Variants in HSPG2 observed in about 807,000 individuals in gnomAD.
HSPG2 encodes the protein basement membrane-specific heparan sulfate proteoglycan core protein.
HSPG2 carries 278 observed loss-of-function variants against 526.6 expected under a neutral mutation model. The observed-to-expected ratio is 0.53, with a 90% CI of 0.48 to 0.58. The LOEUF (loss-of-function observed/expected upper bound fraction) is 0.58, where lower values mean the gene tolerates loss of function less well. Ranked by LOEUF, HSPG2 falls within the 20% of genes least tolerant of loss-of-function variation. The pLI is 0.00. For synonymous variants in HSPG2, 2,465 were observed against 2,555.4 expected (o/e 0.96, Z 1.07); for missense variants, 5,354 against 6,099.5 (o/e 0.88, Z 4.07).
At chr1:21,933,858 G>A (rs1159668116) in intron 1 of HSPG2, among the ~76,000 whole-genome samples, 1 of 152,260 alleles carries the variant, frequency 6.6e-6, no homozygotes, top group Non-Finnish European at 1.5e-5. Context: ...AGCTGGCTGC[G>A]TGGAGGAGGG....
chr1:21,838,135 C>CAAAAAAAAAAA (rs35291473), intron 74 of HSPG2, among the ~76,000 whole-genome samples: 3 of 75,262 alleles, frequency 4.0e-5, no homozygotes, highest in Non-Finnish European at 7.1e-5. Flanking sequence ...GATTCTGTCT[C>CAAAAAAAAAAA]AAAAAAAAAA....
chr1:21,875,609 C>G lies in HSPG2; in HGVS notation c.3302+20G>C. 6.3e-7 allele frequency: 1 copy of G among 1,589,898 alleles called. No homozygotes were observed. The highest frequency in any genetic ancestry group is 8.5e-7 in the Non-Finnish European group (1 of 1,170,502). On this transcript the variant is annotated intron_variant, in intron 25 of 96. Coordinates refer to ENST00000374695, the MANE Select transcript of HSPG2 (RefSeq NM_005529.7). ...CCCTCCCCAAGCCCATGCTGGTCCT[C>G]CTGCCCCGGCTCCAGACACCTGCTC...
rs750108756 is a variant in HSPG2 at position 21,872,326 on chromosome 1, G to T, written c.4081C>A (p.Pro1361Thr). Residue 1361 changes from proline to threonine, a missense_variant, in exon 33 of 97, where the codon CCA becomes ACA. Transcript: ENST00000374695. This position sits in a 1 kb window ranked among gnomAD's most constrained non-coding sequence, Gnocchi z 5.5. ...CCTGTCAGGCGGCTGTTTCGCTGTG[G>T]GTTCACCAGGGCAAAGCCTTGGAAG... The part of the protein sequence containing the change: ...GDFQGFALVN[P>T]QRNSRLTGEF... 2 of 1,580,300 alleles carry T rather than the reference G, an allele frequency of 1.3e-6. No individual in the cohort carries two copies. Among genetic ancestry groups the T allele is most frequent in the East Asian group, 2.3e-5 (1 of 42,952 alleles).
rs779022485 is a variant in HSPG2 at position 21,880,784 on chromosome 1, G to A, written c.1870C>T (p.Arg624Cys). 1.5e-5 allele frequency: 24 copies of A among 1,598,652 alleles called. No homozygotes were observed. Among genetic ancestry groups the A allele is most frequent in the East Asian group, 4.5e-5 (2 of 44,138 alleles). Residue 624 changes from arginine to cysteine, a missense_variant, in exon 15 of 97, where the codon CGT becomes TGT. Physicochemically the swap from Arg to Cys is radical, Grantham distance 180. Coordinates refer to ENST00000374695, the MANE Select transcript of HSPG2 (RefSeq NM_005529.7). Reference sequence around the variant, plus strand: ...CGCTGCACTGGCTCCAGCATGCCACGGGCCAACTCGTAGCGCACGTTGTAA... The same window carrying A: ...CGCTGCACTGGCTCCAGCATGCCACAGGCCAACTCGTAGCGCACGTTGTAA... The part of the protein sequence containing the change: ...LRYNVRYELA[R>C]GMLEPVQRPD...
At position 21,828,269 on chromosome 1, in the gene HSPG2, C is replaced by A; in HGVS notation, c.12395G>T (p.Arg4132Leu). 2.5e-6 allele frequency: 4 copies of A among 1,613,662 alleles called. No individual in the cohort carries two copies. The highest frequency in any genetic ancestry group is 3.4e-6 in the Non-Finnish European group (4 of 1,180,016). ...GGCTTTCCCACCTTTGAATCCATCT[C>A]GACACAGGCACTGGAACTCATACTC... is the stretch of plus-strand genomic sequence containing the variant. ...AGEYEFQCLC[R>L]DGFKGDLCEH... Residue 4132 changes from arginine to leucine, a missense_variant, in exon 89 of 97, where the codon CGA (arginine) becomes CTA (leucine). By Grantham distance (102) the Arg-to-Leu change is moderately radical. Coordinates refer to ENST00000374695, the MANE Select transcript of HSPG2 (RefSeq NM_005529.7). The surrounding 1 kb of genome is among the most constrained non-coding windows in gnomAD (Gnocchi z 6.0).
chr1:21,840,091 G>C, intron 71 of HSPG2, 74 bp from the exon 72 acceptor site: 1 of 1,260,554 alleles, frequency 7.9e-7, no homozygotes, highest in Non-Finnish European at 1.2e-6. Flanking sequence ...CTCTGGCTTG[G>C]TCTTCCCTAT....
Position 21,891,861 on chromosome 1 carries a change from T to G in HSPG2, c.245-1167A>C, listed in dbSNP as rs1332027807. Among the ~76,000 whole-genome samples the G allele has an allele frequency of 5.9e-5, 9 of 152,310 alleles. 1 individual carries two copies. The East Asian group carries it at 1.5e-3, about 26-fold the overall frequency. ...CCTGGGCTCAAGCAATCCTCTCACT[T>G]TGGCCTCCCAAAGTACATCTATCGT... On this transcript the variant is annotated intron_variant, in intron 3 of 96. Coordinates refer to ENST00000374695, the MANE Select transcript of HSPG2 (RefSeq NM_005529.7).
rs145498664 is a variant in HSPG2 at position 21,875,735 on chromosome 1, G to A, written c.3196C>T (p.Arg1066Trp). The stretch of plus-strand genomic sequence containing the variant: ...CGTGTGGCTGGCTGCCCATCGGGCC[G>A]CTGCCATGCTTGCTGCCAAGGAGAG... ...IVPFREQAWQ[R>W]PDGQPATREH... Residue 1066 changes from arginine to tryptophan, a missense_variant, in exon 25 of 97, where the codon CGG becomes TGG. By Grantham distance (101) the Arg-to-Trp change is moderately radical. Transcript: ENST00000374695. The A allele has an allele frequency of 2.8e-5, 45 of 1,605,102 alleles. No individual in the cohort carries two copies. In the East Asian group the frequency reaches 3.1e-4, roughly 11 times the overall value.
rs781747636 is a variant in HSPG2, at chr1:21,833,256, C to T, written c.11095+12G>A. 12 of 1,610,428 alleles carry T rather than the reference C, an allele frequency of 7.5e-6. No individual in the cohort carries two copies. The highest frequency in any genetic ancestry group is 2.2e-5 in the East Asian group (1 of 44,858). ...AGGCCAGCCCACCCCGCAAATTAACCCTCCTGCTCACCATCGGCTGAGTCG... is the reference window on the plus strand; with the variant it reads ...AGGCCAGCCCACCCCGCAAATTAACTCTCCTGCTCACCATCGGCTGAGTCG... On this transcript the variant is annotated intron_variant, in intron 80 of 96. Transcript: ENST00000374695.
Position 21,832,368 on chromosome 1 carries a change from C to T in HSPG2, c.11207+127G>A. On this transcript the variant is annotated intron_variant, in intron 81 of 96. Transcript: ENST00000374695. ...CCTACTCTAGCAGATTGGGTGGTCA[C>T]CAAGGGTAACGGCCACATTTTCTCC... is the stretch of plus-strand genomic sequence containing the variant. The T allele has an allele frequency of 5.1e-6, 4 of 786,994 alleles. No homozygotes were observed. In the South Asian group the frequency reaches 6.2e-5, roughly 12 times the overall value. 48.8% of individuals were successfully genotyped at this position (786,994 alleles called of 1,614,324 possible).
chr1:21,900,759 CCT>C (rs1643054713), intron 1 of HSPG2, among the ~76,000 whole-genome samples: 2 of 152,114 alleles, frequency 1.3e-5, no homozygotes, highest in Non-Finnish European at 2.9e-5. Flanking sequence ...GTGGTGCATG[CCT>C]ATAGTCCCAA....
At chr1:21,853,854 G>T (rs1457739405) in intron 50 of HSPG2, 2 of 364,962 alleles carry the variant, frequency 5.5e-6, no homozygotes, top group Non-Finnish European at 1.0e-5. Flanking sequence ...TTTCATAGAT[G>T]AATCTGAGGC....
rs534657111 is a variant in HSPG2, at chr1:21,931,038, G to C, written c.63+6117C>G. Among the ~76,000 whole-genome samples, 28 of 152,268 alleles carry C rather than the reference G, an allele frequency of 1.8e-4. No homozygotes were observed. In the South Asian group the frequency reaches 5.8e-3, roughly 32 times the overall value. On this transcript the variant is annotated intron_variant, in intron 1 of 96. Transcript: ENST00000374695. The stretch of plus-strand genomic sequence containing the variant: ...TCTCAGGATGCCACAGATGCCTCCA[G>C]GGATGCTCTGAGGTTCCTGCAGGCC...
At chr1:21,921,312 G>A (rs1285679626) in intron 1 of HSPG2, among the ~76,000 whole-genome samples, 1 of 152,140 alleles carries the variant, frequency 6.6e-6, no homozygotes, top group Non-Finnish European at 1.5e-5. Context: ...GAGGAGGAGT[G>A]CAGGATTTTC....
At chr1:21,854,368 C>T (rs954321638) in intron 49 of HSPG2, 25 bp from the exon 50 acceptor site, 6 of 1,559,084 alleles carry the variant, frequency 3.8e-6, no homozygotes, top group South Asian at 2.4e-5. Flanking sequence ...GCCAGAGGTA[C>T]GTGAGGACAG....
chr1:21,888,647 C>T (rs192345205), intron 6 of HSPG2: 15 of 1,361,350 alleles, frequency 1.1e-5, no homozygotes, highest in South Asian at 6.9e-5. Flanking sequence ...GGCTGGGCCT[C>T]GGCCTGGCTT....
intron 1 of HSPG2, among the ~76,000 whole-genome samples, chr1:21,905,167 CCACCCACACACACA>C (rs1643305745): frequency 8.3e-6 from 1 of 120,838 alleles, no homozygotes; most frequent in Admixed American, 7.9e-5. Flanking sequence ...CACCCACCAC[CCACCCACACACACA>C]CACACACACA....
chr1:21,892,278 GAGCC>G (rs1355310371), intron 3 of HSPG2, among the ~76,000 whole-genome samples: 3 of 152,268 alleles, frequency 2.0e-5, no homozygotes, highest in Admixed American at 6.5e-5. Flanking sequence ...GGCCCCTTGT[GAGCC>G]AGCACAGAGG....
chr1:21,881,942 C>CAAAAAAAAAAAAA (rs10570430), intron 13 of HSPG2, among the ~76,000 whole-genome samples: 1 of 87,248 alleles, frequency 1.1e-5, no homozygotes, highest in African/African-American at 4.3e-5. Context: ...GACTCTGTCT[C>CAAAAAAAAAAAAA]AAAAAAAAAA....
Sources: gnomAD v4.1 joint callset for allele counts (sites outside exome capture counted in the v4.1 genomes callset) on GRCh38, gnomAD v4.1.1 for gene constraint, Gnocchi (gnomAD v3.1) non-coding constraint, MANE v1.5 for transcripts, NCBI Gene and HGNC (gene_info 2026-07-23, HGNC 2026-07-21) for gene names.